The following TMC2 variants were observed in gnomAD, a reference collection of about 807,000 sequenced individuals.
The protein encoded by TMC2 is transmembrane channel like 2.
Under a neutral mutation model 105.9 loss-of-function variants are expected in TMC2, and 102 were observed. The observed-to-expected ratio is 0.96, with a 90% CI of 0.82 to 1.14. TMC2 has a LOEUF of 1.14. Among genes scored for constraint, TMC2 ranks in the 50% most tolerant of loss-of-function variants. The pLI, the probability that TMC2 is intolerant of heterozygous loss-of-function variation, is 0.00. For missense variants in TMC2, 1,093 were observed against 1,134.3 expected (o/e 0.96, Z 0.52); for synonymous variants, 402 against 422.8 (o/e 0.95, Z 0.60).
chr20:2,547,523 T>C (rs924472508), intron 2 of TMC2, among the ~76,000 whole-genome samples: 2 of 152,202 alleles, frequency 1.3e-5, no homozygotes, highest in Admixed American at 6.5e-5. Context: ...CAACAATGTA[T>C]CAAATAATCC....
chr20:2,606,891 CTTT>C lies in TMC2; in HGVS notation c.1414-3511_1414-3509del, dbSNP rs11476357. Among the ~76,000 whole-genome samples the C allele has an allele frequency of 4.3e-3, 357 of 83,982 alleles. 5 individuals are homozygous for C. In the East Asian group the frequency reaches 0.048, roughly 11 times the overall value. 55.1% of individuals were successfully genotyped at this position (83,982 alleles called of 152,430 possible). On this transcript the variant is annotated intron_variant, in intron 11 of 19. Transcript: ENST00000358864. ...ATAGTTTTCCCTTAATTTCTTTTTT[CTTT>C]TTTTTTTTTTTTTTTTGCAGTATTC...
intron 3 of TMC2, among the ~76,000 whole-genome samples, chr20:2,560,507 T>C (rs1262155911): frequency 6.6e-6 from 1 of 152,112 alleles, no homozygotes. Context: ...GATTGGGCGC[T>C]GTCTCACTCA....
chr20:2,545,158 G>A (rs2085915044), intron 2 of TMC2, among the ~76,000 whole-genome samples: 1 of 152,104 alleles, frequency 6.6e-6, no homozygotes, highest in Non-Finnish European at 1.5e-5. Context: ...AATGAGTTAT[G>A]ATGACTCCAC....
intron 17 of TMC2, among the ~76,000 whole-genome samples, chr20:2,632,832 A>G (rs1017690793): frequency 6.6e-6 from 1 of 151,312 alleles, no homozygotes; most frequent in Non-Finnish European, 1.5e-5. Context: ...TTTGTGATTC[A>G]CCCGCCTCAG....
At chr20:2,555,460 T>C (rs1323641276) in intron 2 of TMC2, among the ~76,000 whole-genome samples, 3 of 152,212 alleles carry the variant, frequency 2.0e-5, no homozygotes, top group Admixed American at 1.3e-4. Flanking sequence ...TCAAGCTTTT[T>C]TTTTTATAAT....
chr20:2,627,014 C>CG (rs2025022778), intron 17 of TMC2, among the ~76,000 whole-genome samples: 1 of 152,146 alleles, frequency 6.6e-6, no homozygotes, highest in Non-Finnish European at 1.5e-5. Context: ...TGATTGATCA[C>CG]GGGTTCACAT....
chr20:2,585,516 C>T (rs1330007289), intron 7 of TMC2, among the ~76,000 whole-genome samples: 2 of 152,144 alleles, frequency 1.3e-5, no homozygotes, highest in Non-Finnish European at 1.5e-5. Flanking sequence ...GGCTTGGGGT[C>T]TCCCACAGCC....
At chr20:2,565,962 C>G (rs763051631) in intron 4 of TMC2, among the ~76,000 whole-genome samples, 9 of 152,076 alleles carry the variant, frequency 5.9e-5, no homozygotes, top group Non-Finnish European at 1.3e-4. Flanking sequence ...TTTTTTGAAC[C>G]AGGAAGTGGA....
At chr20:2,584,443 CAAA>C (rs1161913633) in intron 7 of TMC2, among the ~76,000 whole-genome samples, 4 of 70,132 alleles carry the variant, frequency 5.7e-5, no homozygotes, top group Non-Finnish European at 5.8e-5. Flanking sequence ...GACTCCGTCT[CAAA>C]AAAAAAAAAA....
At chr20:2,624,062 C>A (rs531647812) in intron 16 of TMC2, among the ~76,000 whole-genome samples, 1 of 152,336 alleles carries the variant, frequency 6.6e-6, no homozygotes, top group African/African-American at 2.4e-5. Context: ...GCCGGTGAGC[C>A]GTGTGCCGAC....
At chr20:2,584,399 C>A (rs111899179) in intron 7 of TMC2, among the ~76,000 whole-genome samples, 6 of 139,688 alleles carry the variant, frequency 4.3e-5, no homozygotes, top group Non-Finnish European at 7.5e-5. Context: ...AGCCGAGATC[C>A]CGCCACTGCA....
intron 2 of TMC2, among the ~76,000 whole-genome samples, chr20:2,550,034 T>G (rs1045617576): frequency 6.6e-6 from 1 of 151,796 alleles, no homozygotes; most frequent in African/African-American, 2.4e-5. Flanking sequence ...AATACAAAAA[T>G]TAGTTGGGCA....
intron 7 of TMC2, among the ~76,000 whole-genome samples, chr20:2,589,815 G>A (rs891098101): frequency 3.9e-5 from 6 of 152,036 alleles, no homozygotes; most frequent in Non-Finnish European, 7.4e-5. Context: ...GACTACAGGC[G>A]CCCGCCACCA....
intron 2 of TMC2, among the ~76,000 whole-genome samples, chr20:2,554,272 T>G (rs557715119): frequency 1.3e-5 from 2 of 152,300 alleles, no homozygotes; most frequent in African/African-American, 4.8e-5. Context: ...GTCTCCAGCC[T>G]GGGCAACGGA....
intron 5 of TMC2, among the ~76,000 whole-genome samples, chr20:2,576,528 C>T (rs6050278): frequency 6.6e-6 from 1 of 152,284 alleles, no homozygotes; most frequent in South Asian, 2.1e-4. Context: ...GGTCCTCAGC[C>T]TTGCAAGCCT....
At chr20:2,640,060 G>A (rs1037515052) in intron 19 of TMC2, among the ~76,000 whole-genome samples, 7 of 152,166 alleles carry the variant, frequency 4.6e-5, no homozygotes, top group South Asian at 2.1e-4. Context: ...TCTGATCACC[G>A]CAACCTCTGC....
At chr20:2,631,304 A>G (rs1376130892) in intron 17 of TMC2, among the ~76,000 whole-genome samples, 1 of 152,224 alleles carries the variant, frequency 6.6e-6, no homozygotes, top group Non-Finnish European at 1.5e-5. Flanking sequence ...AAAGAGCTAC[A>G]AAGACTACAT....
At chr20:2,542,677 G>A (rs2085897187) in intron 2 of TMC2, among the ~76,000 whole-genome samples, 1 of 148,720 alleles carries the variant, frequency 6.7e-6, no homozygotes, top group African/African-American at 2.5e-5. Context: ...TATTTTTACA[G>A]TCTTTTCTCT....
chr20:2,592,506 C>A lies in TMC2; in HGVS notation c.933+98C>A. The A allele has an allele frequency of 2.3e-6, 2 of 876,842 alleles. No individual in the cohort carries two copies. Among genetic ancestry groups the A allele is most frequent in the Non-Finnish European group, 3.8e-6 (2 of 524,638 alleles). 54.3% of individuals were successfully genotyped at this position (876,842 alleles called of 1,614,324 possible). ...AATAGTGCGTTTAATTATTGAAAAA[C>A]CATTGCTTTAATAGGATCCCAGCAC... On this transcript the variant is annotated intron_variant, in intron 8 of 19. Transcript: ENST00000358864. This position sits in a 1 kb window ranked among gnomAD's most constrained non-coding sequence, Gnocchi z 4.9.
Sources: gnomAD v4.1 joint callset for allele counts (sites outside exome capture counted in the v4.1 genomes callset) on GRCh38, gnomAD v4.1.1 for gene constraint, Gnocchi (gnomAD v3.1) non-coding constraint, MANE v1.5 for transcripts, NCBI Gene and HGNC (gene_info 2026-07-23, HGNC 2026-07-21) for gene names.